UBE2E2: variants seen among roughly 807,000 people sequenced by gnomAD.
UBE2E2 encodes the protein ubiquitin-conjugating enzyme E2 E2.
A neutral mutation model predicts 24.7 loss-of-function variants in UBE2E2; 6 were observed. The observed-to-expected ratio is 0.24, with a 90% CI of 0.13 to 0.48. The LOEUF (loss-of-function observed/expected upper bound fraction) is 0.48, where lower values mean the gene tolerates loss of function less well. Among genes scored for constraint, UBE2E2 ranks in the 20% least tolerant of loss-of-function variants. UBE2E2 has a pLI of 0.99. For synonymous variants in UBE2E2, 104 were observed against 83.6 expected (o/e 1.24, Z -1.33); for missense variants, 169 against 245.0 (o/e 0.69, Z 2.07).
At chr3:23,265,558 A>G (rs1253634818) in intron 3 of UBE2E2, among the ~76,000 whole-genome samples, 1 of 152,182 alleles carries the variant, frequency 6.6e-6, no homozygotes, top group African/African-American at 2.4e-5. Context: ...AAATAAAATG[A>G]ATCCCCTTTT....
chr3:23,386,352 A>G (rs1006471098), intron 3 of UBE2E2, among the ~76,000 whole-genome samples: 7 of 152,090 alleles, frequency 4.6e-5, no homozygotes, highest in African/African-American at 1.2e-4. Flanking sequence ...TTTCTAAGGG[A>G]TCCTGACCTC....
intron 3 of UBE2E2, among the ~76,000 whole-genome samples, chr3:23,291,478 G>T (rs1698763308): frequency 6.6e-6 from 1 of 152,052 alleles, no homozygotes; most frequent in Non-Finnish European, 1.5e-5. Context: ...AATTAATACT[G>T]CATTTGTTAC....
At chr3:23,362,855 G>T (rs141953752) in intron 3 of UBE2E2, among the ~76,000 whole-genome samples, 83 of 152,300 alleles carry the variant, frequency 5.4e-4, no homozygotes, top group Non-Finnish European at 8.5e-4. Context: ...TCAGGAAGAA[G>T]GTGCAGCCTA....
chr3:23,244,212 A>G (rs1347677021), intron 3 of UBE2E2, among the ~76,000 whole-genome samples: 1 of 152,150 alleles, frequency 6.6e-6, no homozygotes, highest in Non-Finnish European at 1.5e-5. Flanking sequence ...ACTTAGGAGA[A>G]ACTTTTAAGC....
rs986608811 is a variant in UBE2E2 at position 23,590,950 on chromosome 3, C to G, written c.*1119C>G. Reference sequence around the variant, plus strand: ...TCTCAAAATTGTTACAGTGATTGCCCTCAAGCTTTGTATTGTTCATTTTTG... The same window carrying G: ...TCTCAAAATTGTTACAGTGATTGCCGTCAAGCTTTGTATTGTTCATTTTTG... On this transcript the variant is annotated 3_prime_UTR_variant, in exon 6 of 6. Coordinates refer to ENST00000396703, the MANE Select transcript of UBE2E2 (RefSeq NM_152653.4). 13 of 152,260 alleles carry G rather than the reference C, an allele frequency of 8.5e-5. 2 individuals carry two copies. The highest frequency in any genetic ancestry group is 2.0e-4 in the Admixed American group (3 of 15,278). The allele number at this position is 152,260 out of a possible 1,614,324, so 9.4% of individuals were successfully genotyped here.
At chr3:23,483,396 T>C (rs1387506095) in intron 3 of UBE2E2, among the ~76,000 whole-genome samples, 1 of 152,256 alleles carries the variant, frequency 6.6e-6, no homozygotes, top group African/African-American at 2.4e-5. Flanking sequence ...ACACTGCATG[T>C]ATGTAAATAT....
At chr3:23,224,546 GCT>G (rs1491102482) in intron 3 of UBE2E2, among the ~76,000 whole-genome samples, 14 of 149,742 alleles carry the variant, frequency 9.3e-5, no homozygotes, top group Non-Finnish European at 8.9e-5. Context: ...AGTTCTAACA[GCT>G]TTTTTTTTTT....
intron 3 of UBE2E2, among the ~76,000 whole-genome samples, chr3:23,473,531 A>C (rs955675328): frequency 3.3e-5 from 5 of 151,528 alleles, no homozygotes; most frequent in African/African-American, 1.2e-4. Flanking sequence ...TGCACCCATC[A>C]CTTGAGCAGT....
chr3:23,364,049 G>A (rs1696196021), intron 3 of UBE2E2, among the ~76,000 whole-genome samples: 1 of 152,058 alleles, frequency 6.6e-6, no homozygotes. Context: ...TGACATTTGG[G>A]TAAACAATGA....
intron 3 of UBE2E2, among the ~76,000 whole-genome samples, chr3:23,421,909 A>G (rs1426620411): frequency 6.6e-6 from 1 of 152,210 alleles, no homozygotes; most frequent in Admixed American, 6.5e-5. Flanking sequence ...GGTTATGCAA[A>G]ACACCATGTT....
At chr3:23,504,303 G>A (rs1057222303) in intron 4 of UBE2E2, among the ~76,000 whole-genome samples, 11 of 152,058 alleles carry the variant, frequency 7.2e-5, no homozygotes, top group African/African-American at 1.9e-4. Context: ...CTAGTATTCC[G>A]TTGTATAAAT....
chr3:23,240,223 C>A (rs1697221606), intron 3 of UBE2E2, among the ~76,000 whole-genome samples: 1 of 152,184 alleles, frequency 6.6e-6, no homozygotes, highest in Non-Finnish European at 1.5e-5. Context: ...GACAGTCCTT[C>A]CTTTCGCCCA....
chr3:23,349,092 T>G (rs140762617), intron 3 of UBE2E2, among the ~76,000 whole-genome samples: 1 of 152,102 alleles, frequency 6.6e-6, no homozygotes, highest in Non-Finnish European at 1.5e-5. Flanking sequence ...CTATGCAGAT[T>G]TCTTGTGAAC....
At chr3:23,321,465 A>G (rs1004320321) in intron 3 of UBE2E2, among the ~76,000 whole-genome samples, 5 of 151,740 alleles carry the variant, frequency 3.3e-5, no homozygotes, top group African/African-American at 1.2e-4. Context: ...GCTACTACCT[A>G]CTTGGTACAG....
chr3:23,204,253 C>T lies in UBE2E2; in HGVS notation c.-9+789C>T, dbSNP rs1198108978. On this transcript the variant is annotated intron_variant, in intron 1 of 5. Transcript: ENST00000396703. The stretch of plus-strand genomic sequence containing the variant: ...CGTGGCTTCTTGTGGCTTTTTTCCC[C>T]CACGACCAACCAGAAATGTCCAATC... Among the ~76,000 whole-genome samples, 4 of 152,006 alleles carry T rather than the reference C, an allele frequency of 2.6e-5. No individual in the cohort carries two copies. The South Asian group carries it at 6.3e-4, about 24-fold the overall frequency.
chr3:23,370,621 T>C (rs1696377068), intron 3 of UBE2E2, among the ~76,000 whole-genome samples: 1 of 152,200 alleles, frequency 6.6e-6, no homozygotes, highest in South Asian at 2.1e-4. Context: ...TGGATGAATG[T>C]TATCTGTGAA....
Position 23,407,922 on chromosome 3 carries a change from A to G in UBE2E2, c.228-91686A>G, listed in dbSNP as rs554284550. Among the ~76,000 whole-genome samples, 3 of 146,960 alleles carry G rather than the reference A, an allele frequency of 2.0e-5. No individual in the cohort carries two copies. The South Asian group carries it at 6.6e-4, about 33-fold the overall frequency. The stretch of plus-strand genomic sequence containing the variant: ...TTGAAGTTTATAGAAATTAGTGGGT[A>G]TTGGAACCTTCTGAAATGAAATACA... On this transcript the variant is annotated intron_variant, in intron 3 of 5. Transcript: ENST00000396703. The surrounding 1 kb of genome is among the most constrained non-coding windows in gnomAD (Gnocchi z 4.0).
chr3:23,228,183 G>A (rs945360675), intron 3 of UBE2E2, among the ~76,000 whole-genome samples: 4 of 152,014 alleles, frequency 2.6e-5, no homozygotes, highest in African/African-American at 4.8e-5. Flanking sequence ...ATATTTATTT[G>A]CTAATAAAAG....
rs529258845 is a variant in UBE2E2 at position 23,272,121 on chromosome 3, C to T, written c.227+54809C>T. On this transcript the variant is annotated intron_variant, in intron 3 of 5. Transcript: ENST00000396703. ...AGGCTCGGTCCATGCTGGAGCCCAC[C>T]GCCAGGGGGCTCGGCCATGGCGGGC... Among the ~76,000 whole-genome samples, 21 of 152,280 alleles carry T rather than the reference C, an allele frequency of 1.4e-4. No homozygotes were observed. In the East Asian group the frequency reaches 2.3e-3, roughly 17 times the overall value.
Sources: gnomAD v4.1 joint callset for allele counts (sites outside exome capture counted in the v4.1 genomes callset) on GRCh38, gnomAD v4.1.1 for gene constraint, Gnocchi (gnomAD v3.1) non-coding constraint, MANE v1.5 for transcripts, NCBI Gene and HGNC (gene_info 2026-07-23, HGNC 2026-07-21) for gene names.